FBXO34: variants seen among roughly 807,000 people sequenced by gnomAD.
The protein encoded by FBXO34 is F-box only protein 34.
FBXO34 carries 12 observed loss-of-function variants against 24.5 expected under a neutral mutation model. The ratio of observed to expected loss-of-function variants is 0.49; its 90% CI spans 0.31 to 0.79. The LOEUF (loss-of-function observed/expected upper bound fraction) is 0.79. Among genes scored for constraint, FBXO34 ranks in the 30% least tolerant of loss-of-function variants. The pLI is 0.04. For synonymous variants in FBXO34, 320 were observed against 311.9 expected (o/e 1.03, Z -0.27); for missense variants, 823 against 857.7 (o/e 0.96, Z 0.51).
chr14:55,351,679 A>G lies in FBXO34; in HGVS notation c.1289A>G (p.Asp430Gly), dbSNP rs1884384328. 1.2e-6 allele frequency: 2 copies of G among 1,614,040 alleles called. No homozygotes were observed. The highest frequency in any genetic ancestry group is 1.7e-5 in the Admixed American group (1 of 60,006). Residue 430 changes from aspartate (D) to glycine (G), a missense_variant, in exon 2 of 2, where the codon GAT becomes GGT. Asp to Gly is a moderately conservative substitution (Grantham distance 94, BLOSUM62 -1). Transcript: ENST00000313833. ...TCCCAAGCCTCTGAATTGCCCACAG[A>G]TGCTGTTGATTGTATGAGCAGAGAG... is the stretch of plus-strand genomic sequence containing the variant. ...TYSQASELPTDAVDCMSRELV... is the reference protein window; with the variant it reads ...TYSQASELPTGAVDCMSRELV...
At chr14:55,313,617 C>T (rs569030106) in intron 1 of FBXO34, among the ~76,000 whole-genome samples, 18 of 152,240 alleles carry the variant, frequency 1.2e-4, no homozygotes, top group Admixed American at 5.2e-4. Context: ...CATGGCTGGG[C>T]GAACACAGGA....
At chr14:55,369,858 C>T, downstream of FBXO34, 3 of 1,614,168 alleles carry the variant, frequency 1.9e-6, no homozygotes, top group Non-Finnish European at 2.5e-6. Flanking sequence ...TCTGATTCTC[C>T]AGCAACTCCG....
Position 55,304,763 on chromosome 14 carries a change from G to T in FBXO34, c.-11+33226G>T, listed in dbSNP as rs535531976. ...GATCCTCCCGCCTCAGCCTCCCAAAGTGTTGATTATAGGCTTGAGCCATTG... is the reference window on the plus strand; with the variant it reads ...GATCCTCCCGCCTCAGCCTCCCAAATTGTTGATTATAGGCTTGAGCCATTG... On this transcript the variant is annotated intron_variant, in intron 1 of 1. Coordinates refer to ENST00000313833, the MANE Select transcript of FBXO34 (RefSeq NM_017943.4). Among the ~76,000 whole-genome samples the T allele has an allele frequency of 1.3e-5, 2 of 152,246 alleles. 1 individual carries two copies. The highest frequency in any genetic ancestry group is 4.8e-5 in the African/African-American group (2 of 41,560).
At chr14:55,279,049 C>T (rs1881440726) in intron 1 of FBXO34, among the ~76,000 whole-genome samples, 1 of 152,130 alleles carries the variant, frequency 6.6e-6, no homozygotes, top group Non-Finnish European at 1.5e-5. Context: ...GTAATCCCAG[C>T]ACTTTAGGAG....
downstream of FBXO34, among the ~76,000 whole-genome samples, chr14:55,364,111 T>C (rs571045669): frequency 3.3e-3 from 508 of 151,984 alleles, no homozygotes; most frequent in Non-Finnish European, 5.3e-3. Flanking sequence ...CCACCATGCC[T>C]GGCTAATTTT....
At chr14:55,403,676 C>G in the FBXO34 span, among the ~76,000 whole-genome samples, 1 of 151,858 alleles carries the variant, frequency 6.6e-6, no homozygotes, top group African/African-American at 2.4e-5. Flanking sequence ...GACAAAACAA[C>G]AACAACATCA....
At chr14:55,309,030 A>C (rs1385527426) in intron 1 of FBXO34, among the ~76,000 whole-genome samples, 1 of 152,124 alleles carries the variant, frequency 6.6e-6, no homozygotes, top group South Asian at 2.1e-4. Flanking sequence ...TAACTAGTAG[A>C]CTTGTTATTA....
rs545791855 is a variant in FBXO34, at chr14:55,353,438, G to A, written c.*912G>A. On this transcript the variant is annotated 3_prime_UTR_variant, in exon 2 of 2. Coordinates refer to ENST00000313833, the MANE Select transcript of FBXO34 (RefSeq NM_017943.4). ...ACCTGCTCAAAGGATACCAAATAATGGTTTAACTGGACAACCTGAAAATTA... is the reference window on the plus strand; with the variant it reads ...ACCTGCTCAAAGGATACCAAATAATAGTTTAACTGGACAACCTGAAAATTA... 7.1e-4 allele frequency: 118 copies of A among 166,976 alleles called. No individual in the cohort carries two copies. Among genetic ancestry groups the A allele is most frequent in the African/African-American group, 2.7e-3 (114 of 41,496 alleles). The allele number at this position is 166,976 out of a possible 1,614,324, so 10.3% of individuals were successfully genotyped here. A position where few individuals can be genotyped will look rare whatever the true frequency, so the allele number is the denominator to read the frequency against.
chr14:55,382,290 T>C, the FBXO34 span: 13 of 988,114 alleles, frequency 1.3e-5, no homozygotes, highest in East Asian at 2.5e-5. Flanking sequence ...AAGCTGCCTA[T>C]GAGCACAGAA....
the FBXO34 span, chr14:55,440,473 G>A: frequency 1.2e-6 from 2 of 1,612,268 alleles, no homozygotes; most frequent in Non-Finnish European, 1.7e-6. Flanking sequence ...ACTGTTGGGG[G>A]TGGGGGCGGG....
At chr14:55,316,658 G>T (rs1882939166) in intron 1 of FBXO34, among the ~76,000 whole-genome samples, 1 of 150,022 alleles carries the variant, frequency 6.7e-6, no homozygotes, top group Non-Finnish European at 1.5e-5. Context: ...AACCTGGGTG[G>T]TTGCAGTGCA....
At chr14:55,308,488 A>T (rs1245504415) in intron 1 of FBXO34, among the ~76,000 whole-genome samples, 1 of 152,208 alleles carries the variant, frequency 6.6e-6, no homozygotes, top group African/African-American at 2.4e-5. Flanking sequence ...AGGTTCTTCC[A>T]TAGTCGGGTT....
the FBXO34 span, chr14:55,413,710 C>T: frequency 3.4e-6 from 1 of 294,746 alleles, no homozygotes; most frequent in Non-Finnish European, 6.7e-6. Flanking sequence ...TCACGCGTTT[C>T]AGGAAACTTA....
Position 55,352,030 on chromosome 14 carries a change from C to T in FBXO34, c.1640C>T (p.Ala547Val), listed in dbSNP as rs1161774300. Residue 547 changes from alanine to valine, a missense_variant, in exon 2 of 2, where the codon GCA becomes GTA. Physicochemically the swap from Ala to Val is moderately conservative, Grantham distance 64. This residue lies in a region of FBXO34 where 693 missense variants were observed against 659.1 expected (regional missense o/e 1.05). Transcript: ENST00000313833. ...GAAAGTACATTACCAGTGCTTGAGG[C>T]ATCCAGTTGGAAGAAGCAGGTGTCG... ...SVESTLPVLE[A>V]SSWKKQVSHD... 1 of 1,614,072 alleles carries T rather than the reference C, an allele frequency of 6.2e-7. No individual in the cohort carries two copies. Among genetic ancestry groups the T allele is most frequent in the Non-Finnish European group, 8.5e-7 (1 of 1,180,042 alleles).
intron 1 of FBXO34, among the ~76,000 whole-genome samples, chr14:55,293,676 T>G (rs1594731526): frequency 6.6e-6 from 1 of 152,280 alleles, no homozygotes; most frequent in East Asian, 1.9e-4. Flanking sequence ...AAATGGGCAT[T>G]GTGATCAACC....
Position 55,299,066 on chromosome 14 carries a change from A to AC in FBXO34, c.-11+27529_-11+27530insC, listed in dbSNP as rs34271221. The AC allele has an allele frequency of 4.6e-4, 704 of 1,542,320 alleles. 3 individuals carry two copies. The African/African-American group carries it at 8.4e-3, about 18-fold the overall frequency. ...TTTCAACAGCAATTTCGAAACCTGT[A>AC]GGGTTTGGAGAAAAGTCTGACGAGG... On this transcript the variant is annotated intron_variant, in intron 1 of 1. Transcript: ENST00000313833.
At chr14:55,414,944 G>A in the FBXO34 span, among the ~76,000 whole-genome samples, 1 of 152,254 alleles carries the variant, frequency 6.6e-6, no homozygotes, top group East Asian at 1.9e-4. Flanking sequence ...TGCATGGGAA[G>A]GGATTATTAG....
Position 55,284,797 on chromosome 14 carries a change from G to GT in FBXO34, c.-11+13261dup, listed in dbSNP as rs1463015821. Among the ~76,000 whole-genome samples the GT allele has an allele frequency of 2.7e-5, 4 of 149,526 alleles. No homozygotes were observed. In the East Asian group the frequency reaches 7.8e-4, roughly 29 times the overall value. On this transcript the variant is annotated intron_variant, in intron 1 of 1. Transcript: ENST00000313833. ...CGTCCAGCTGATTTTTGTATCTTTT[G>GT]TAGAGATAGGGTTTCACGCCTTTGC...
chr14:55,408,841 C>A, the FBXO34 span, among the ~76,000 whole-genome samples: 1 of 152,130 alleles, frequency 6.6e-6, no homozygotes, highest in Non-Finnish European at 1.5e-5. Context: ...GAGCATGAGT[C>A]AAAAGCCCAC....
Sources: allele counts gnomAD v4.1 joint callset (sites outside exome capture counted in the v4.1 genomes callset), GRCh38; gene constraint gnomAD v4.1.1; regional missense constraint gnomAD v4.1.1; transcripts MANE v1.5; gene names NCBI Gene and HGNC (gene_info 2026-07-23, HGNC 2026-07-21).